Variants in WDR93 observed in about 807,000 individuals in gnomAD.
WDR93 encodes WD repeat domain 93.
Under a neutral mutation model 82.9 loss-of-function variants are expected in WDR93, and 73 were observed. That is an observed-to-expected ratio of 0.88 (90% CI 0.73 to 1.07). The LOEUF is 1.07. Among genes scored for constraint, WDR93 ranks in the 50% least tolerant of loss-of-function variants. WDR93 has a pLI of 0.00. For missense variants in WDR93, 738 were observed against 826.0 expected (o/e 0.89, Z 1.31); for synonymous variants, 283 against 300.1 (o/e 0.94, Z 0.59).
intron 12 of WDR93, among the ~76,000 whole-genome samples, chr15:89,732,771 C>T (rs996675394): frequency 6.6e-6 from 1 of 152,160 alleles, no homozygotes; most frequent in Admixed American, 6.5e-5. Context: ...CTCCTCCATG[C>T]TCTTGCTTCT....
At chr15:89,716,833 G>C (rs1417695251) in intron 6 of WDR93, 78 bp from the exon 7 acceptor site, 2 of 1,003,442 alleles carry the variant, frequency 2.0e-6, no homozygotes, top group Admixed American at 4.6e-5. Flanking sequence ...GGGGAAGAGA[G>C]AGCATGCCAG....
intron 8 of WDR93, among the ~76,000 whole-genome samples, chr15:89,723,967 G>A (rs1439855571): frequency 6.6e-6 from 1 of 152,178 alleles, no homozygotes; most frequent in Non-Finnish European, 1.5e-5. Flanking sequence ...GGAGGTCGAG[G>A]CAAGTGGATC....
chr15:89,730,111 G>A (rs1373336788), intron 11 of WDR93, among the ~76,000 whole-genome samples: 1 of 152,158 alleles, frequency 6.6e-6, no homozygotes, highest in Non-Finnish European at 1.5e-5. Context: ...GATCACCTGA[G>A]GTCAGGAGTT....
At chr15:89,713,124 TAAAAAAAAAAA>T (rs77944900) in intron 5 of WDR93, among the ~76,000 whole-genome samples, 11 of 97,720 alleles carry the variant, frequency 1.1e-4, no homozygotes, top group African/African-American at 3.1e-4. Flanking sequence ...AACTCCATCT[TAAAAAAAAAAA>T]AAAAAAAAAA....
upstream of WDR93, chr15:89,690,734 G>C (rs867464790): frequency 4.8e-5 from 39 of 806,490 alleles, 1 homozygote; most frequent in Middle Eastern, 1.4e-3. Flanking sequence ...TATCCGCTGA[G>C]GGGGAGGGGC....
At chr15:89,701,645 G>A (rs373806955) in intron 1 of WDR93, 62 bp from the exon 2 acceptor site, 18 of 1,379,950 alleles carry the variant, frequency 1.3e-5, no homozygotes, top group Non-Finnish European at 1.6e-5. Context: ...AGAAAAGGAT[G>A]ATGTGCTATC....
intron 6 of WDR93, 62 bp downstream of exon 6, chr15:89,715,157 C>T: frequency 6.8e-7 from 1 of 1,470,070 alleles, no homozygotes; most frequent in South Asian, 1.2e-5. Flanking sequence ...ACATCTAGCC[C>T]AAGTCCTTGG....
At chr15:89,742,531 T>C (rs557996579) in intron 16 of WDR93, among the ~76,000 whole-genome samples, 1 of 151,960 alleles carries the variant, frequency 6.6e-6, no homozygotes, top group Non-Finnish European at 1.5e-5. Flanking sequence ...TTTAAACAAC[T>C]CTTACTTTTT....
intron 7 of WDR93, among the ~76,000 whole-genome samples, chr15:89,719,335 T>A (rs1055002750): frequency 6.6e-6 from 1 of 152,274 alleles, no homozygotes; most frequent in Non-Finnish European, 1.5e-5. Context: ...ACTTTACTAA[T>A]GTGTCCATCT....
intron 16 of WDR93, among the ~76,000 whole-genome samples, chr15:89,742,462 AGGGGTGAATCTT>A (rs1158920535): frequency 6.6e-6 from 1 of 151,970 alleles, no homozygotes; most frequent in East Asian, 1.9e-4. Flanking sequence ...GTGCACTCTG[AGGGGTGAATCTT>A]GGGCTTCTCT....
At chr15:89,700,737 TG>T (rs1965420357) in intron 1 of WDR93, among the ~76,000 whole-genome samples, 1 of 151,470 alleles carries the variant, frequency 6.6e-6, no homozygotes, top group Admixed American at 6.6e-5. Context: ...TTAAATTTTT[TG>T]TATAGATGGG....
chr15:89,707,624 TA>T (rs2141614284), intron 4 of WDR93, among the ~76,000 whole-genome samples: 1 of 149,590 alleles, frequency 6.7e-6, no homozygotes, highest in East Asian at 2.0e-4. Context: ...AAAAGGAAAA[TA>T]AAAAAATAAA....
At chr15:89,721,608 G>T (rs1459834636) in intron 7 of WDR93, among the ~76,000 whole-genome samples, 1 of 152,120 alleles carries the variant, frequency 6.6e-6, no homozygotes, top group Non-Finnish European at 1.5e-5. Context: ...GTTGGGTCTT[G>T]CCCTTTCTAA....
At chr15:89,695,776 G>A (rs2350486) in intron 1 of WDR93, among the ~76,000 whole-genome samples, 92,907 of 147,392 alleles carry the variant, frequency 0.63, 30,104 homozygotes, top group Middle Eastern at 0.7. Flanking sequence ...CACTGATGAA[G>A]TAGTTCCATC....
intron 4 of WDR93, among the ~76,000 whole-genome samples, chr15:89,710,057 G>T (rs1965902104): frequency 6.6e-6 from 1 of 152,214 alleles, no homozygotes; most frequent in African/African-American, 2.4e-5. Context: ...CTACTTGGGA[G>T]GCTGAGGCAG....
chr15:89,730,807 G>C (rs115880576), intron 11 of WDR93, among the ~76,000 whole-genome samples: 1,810 of 151,716 alleles, frequency 0.012, 40 homozygotes, highest in African/African-American at 0.042. Flanking sequence ...GATCACTTGA[G>C]CCCAGGAGTT....
At chr15:89,713,816 G>A (rs188576915) in intron 5 of WDR93, among the ~76,000 whole-genome samples, 2 of 152,216 alleles carry the variant, frequency 1.3e-5, no homozygotes, top group East Asian at 3.9e-4. Flanking sequence ...AAGGAAACTT[G>A]TGCACCATCT....
Position 89,743,377 on chromosome 15 carries a change from A to G in WDR93, c.2047A>G (p.Asn683Asp), listed in dbSNP as rs1174568182. Residue 683 changes from asparagine to aspartate, a missense_variant, in exon 17 of 17, where the codon AAC becomes GAC. By Grantham distance (23) the Asn-to-Asp change is conservative (BLOSUM62 1). Transcript: ENST00000268130. The part of the protein sequence containing the change: ...QRYSLSLQRE[N>D]FKK ...GTACTCCTTGTCGCTCCAGAGAGAG[A>G]ACTTCAAGAAGTGAGGCTGCCACCG... 6.2e-7 allele frequency: 1 copy of G among 1,614,038 alleles called. No homozygotes were observed. Among genetic ancestry groups the G allele is most frequent in the Non-Finnish European group, 8.5e-7 (1 of 1,180,026 alleles).
intron 2 of WDR93, 45 bp downstream of exon 2, chr15:89,702,094 G>C (rs1243793368): frequency 2.5e-5 from 38 of 1,546,830 alleles, no homozygotes; most frequent in Non-Finnish European, 3.1e-5. Context: ...TCTCAGTTGA[G>C]TGTTAATAAA....
Sources: allele counts gnomAD v4.1 joint callset (sites outside exome capture counted in the v4.1 genomes callset), GRCh38; gene constraint gnomAD v4.1.1; transcripts MANE v1.5; gene names NCBI Gene and HGNC (gene_info 2026-07-23, HGNC 2026-07-21).